The following AIMP1 variants were observed in gnomAD, a reference collection of about 807,000 sequenced individuals.
The protein encoded by AIMP1 is aminoacyl tRNA synthetase complex interacting multifunctional protein 1, also known as aminoacyl tRNA synthase complex-interacting multifunctional protein 1.
A neutral mutation model predicts 33.1 loss-of-function variants in AIMP1; 24 were observed. That is an observed-to-expected ratio of 0.73 (90% CI 0.53 to 1.02). The LOEUF is 1.02. AIMP1 is among the 50% of genes least tolerant of loss of function. The pLI is 0.00. For synonymous variants in AIMP1, 120 were observed against 121.5 expected (o/e 0.99, Z 0.08); for missense variants, 367 against 364.8 (o/e 1.01, Z -0.05).
At chr4:106,339,851 G>A (rs1430708559) in intron 6 of AIMP1, among the ~76,000 whole-genome samples, 1 of 152,046 alleles carries the variant, frequency 6.6e-6, no homozygotes, top group Non-Finnish European at 1.5e-5. Context: ...CTCAAATTCA[G>A]GATATAGAGA....
At chr4:106,336,487 T>A (rs907937491) in intron 5 of AIMP1, among the ~76,000 whole-genome samples, 2 of 152,232 alleles carry the variant, frequency 1.3e-5, no homozygotes, top group Non-Finnish European at 2.9e-5. Flanking sequence ...TATGATTTAA[T>A]CCTTATGACA....
intron 6 of AIMP1, among the ~76,000 whole-genome samples, chr4:106,346,248 C>T (rs1437553213): frequency 6.6e-6 from 1 of 151,984 alleles, no homozygotes; most frequent in African/African-American, 2.4e-5. Context: ...TAAGCCTAGA[C>T]CAGATATACT....
intron 6 of AIMP1, among the ~76,000 whole-genome samples, chr4:106,343,587 T>C (rs1561033287): frequency 2.0e-5 from 3 of 152,156 alleles, no homozygotes; most frequent in Non-Finnish European, 4.4e-5. Flanking sequence ...GAAATCATAG[T>C]GGTCTATGCT....
At chr4:106,335,794 TTATC>T (rs1157142928) in intron 5 of AIMP1, among the ~76,000 whole-genome samples, 1 of 151,856 alleles carries the variant, frequency 6.6e-6, no homozygotes, top group Non-Finnish European at 1.5e-5. Flanking sequence ...AAACCATCTT[TTATC>T]TAGAATGCAT....
rs762887059 is a variant in AIMP1, at chr4:106,347,585, C to T, written c.832C>T (p.Leu278Phe). Residue 278 changes from leucine (L) to phenylalanine (F), a missense_variant, in exon 7 of 7, where the codon CTT (leucine) becomes TTT (phenylalanine). Coordinates refer to ENST00000672341, the MANE Select transcript of AIMP1 (RefSeq NM_001142416.2). ...GATTTGGGAGCAGATCCAGCCTGATCTTCACACTAATGATGAGTGTGTGGC... is the reference window on the plus strand; with the variant it reads ...GATTTGGGAGCAGATCCAGCCTGATTTTCACACTAATGATGAGTGTGTGGC... Reference protein sequence around the residue: ...KKIWEQIQPDLHTNDECVATY... With the variant: ...KKIWEQIQPDFHTNDECVATY... 1.2e-6 allele frequency: 2 copies of T among 1,613,470 alleles called. No homozygotes were observed. Among genetic ancestry groups the T allele is most frequent in the Admixed American group, 3.3e-5 (2 of 59,892 alleles).
chr4:106,329,233 C>T (rs1055089175), intron 4 of AIMP1, among the ~76,000 whole-genome samples: 4 of 152,128 alleles, frequency 2.6e-5, no homozygotes, highest in Non-Finnish European at 5.9e-5. Flanking sequence ...ACAATGAAAG[C>T]AAGTCAGACT....
At chr4:106,332,643 A>G (rs1182193661) in intron 5 of AIMP1, among the ~76,000 whole-genome samples, 1 of 148,158 alleles carries the variant, frequency 6.7e-6, no homozygotes, top group African/African-American at 2.5e-5. Flanking sequence ...ATATATATAT[A>G]AGTTGGTTCA....
intron 6 of AIMP1, among the ~76,000 whole-genome samples, chr4:106,344,855 G>A (rs555494629): frequency 4.6e-5 from 7 of 152,230 alleles, no homozygotes; most frequent in Non-Finnish European, 7.4e-5. Context: ...TCTATAAGAA[G>A]GGGTTTTTAG....
chr4:106,344,800 C>T (rs1392723140), intron 6 of AIMP1, among the ~76,000 whole-genome samples: 1 of 151,016 alleles, frequency 6.6e-6, no homozygotes, highest in Non-Finnish European at 1.5e-5. Flanking sequence ...CTGCATGATT[C>T]GCTTACTCAT....
rs776283445 is a variant in AIMP1 at position 106,347,563 on chromosome 4, T to G, written c.810T>G (p.Ile270Met). Residue 270 changes from isoleucine to methionine, a missense_variant, in exon 7 of 7, where the codon ATT becomes ATG. Physicochemically the swap from Ile to Met is conservative, Grantham distance 10. Transcript: ENST00000672341. The part of the protein sequence containing the change: ...PDKELNPKKK[I>M]WEQIQPDLHT... ...AGGAGCTGAATCCTAAGAAGAAGAT[T>G]TGGGAGCAGATCCAGCCTGATCTTC... 4 of 1,613,188 alleles carry G rather than the reference T, an allele frequency of 2.5e-6. No homozygotes were observed. The highest frequency in any genetic ancestry group is 1.3e-5 in the African/African-American group (1 of 74,938).
chr4:106,336,834 G>A, intron 5 of AIMP1, 35 bp from the exon 6 acceptor site: 1 of 1,595,444 alleles, frequency 6.3e-7, no homozygotes, highest in South Asian at 1.1e-5. Context: ...CTTAATCTGT[G>A]TACATCTTTA....
chr4:106,334,590 C>T (rs1769804285), intron 5 of AIMP1, among the ~76,000 whole-genome samples: 1 of 152,184 alleles, frequency 6.6e-6, no homozygotes, highest in Admixed American at 6.5e-5. Flanking sequence ...AAAAATAGCC[C>T]TGCCTTTATG....
chr4:106,331,264 G>A lies in AIMP1; in HGVS notation c.392-408G>A, dbSNP rs189084574. ...AGAGGAGTCTCTATTATCCTGTTTC[G>A]GGGAAAGGCAAACTTTTTCTGCCTA... On this transcript the variant is annotated intron_variant, in intron 4 of 6. Coordinates refer to ENST00000672341, the MANE Select transcript of AIMP1 (RefSeq NM_001142416.2). Among the ~76,000 whole-genome samples, 89 of 152,168 alleles carry A rather than the reference G, an allele frequency of 5.8e-4. 3 individuals carry two copies. The highest frequency in any genetic ancestry group is 1.7e-3 in the Admixed American group (26 of 15,286).
chr4:106,341,686 C>T (rs1261755865), intron 6 of AIMP1, among the ~76,000 whole-genome samples: 1 of 152,116 alleles, frequency 6.6e-6, no homozygotes, highest in Non-Finnish European at 1.5e-5. Flanking sequence ...GTTTTGGTTA[C>T]TGTAGCCTTG....
rs565929509 is a variant in AIMP1 at position 106,349,445 on chromosome 4, G to T, written c.*1753G>T. On this transcript the variant is annotated 3_prime_UTR_variant, in exon 7 of 7. Transcript: ENST00000672341. ...AGATAATAAAAACTATTGGTCTTTT[G>T]TTAAAAGCCCATAATGTAGCATCAT... Among the ~76,000 whole-genome samples the T allele has an allele frequency of 3.4e-4, 51 of 152,084 alleles. No homozygotes were observed. Among genetic ancestry groups the T allele is most frequent in the African/African-American group, 1.1e-3 (44 of 41,518 alleles).
intron 4 of AIMP1, among the ~76,000 whole-genome samples, chr4:106,331,280 T>C (rs1769664213): frequency 6.6e-6 from 1 of 152,190 alleles, no homozygotes; most frequent in Admixed American, 6.6e-5. Flanking sequence ...AGGCAAACTT[T>C]TTCTGCCTAA....
chr4:106,330,630 T>C (rs899439437), intron 4 of AIMP1, among the ~76,000 whole-genome samples: 1 of 152,228 alleles, frequency 6.6e-6, no homozygotes, highest in Non-Finnish European at 1.5e-5. Flanking sequence ...TTATCACATA[T>C]TCATTATACA....
intron 1 of AIMP1, among the ~76,000 whole-genome samples, chr4:106,323,923 G>C (rs1266800006): frequency 2.0e-5 from 3 of 151,986 alleles, no homozygotes; most frequent in Non-Finnish European, 2.9e-5. Context: ...TAGAAAACTA[G>C]TATCAGCTAA....
At chr4:106,343,615 G>A (rs1770185665) in intron 6 of AIMP1, among the ~76,000 whole-genome samples, 1 of 151,952 alleles carries the variant, frequency 6.6e-6, no homozygotes, top group Admixed American at 6.6e-5. Flanking sequence ...CATTTTTTTG[G>A]AGATTACATT....
Sources: gnomAD v4.1 joint callset for allele counts (sites outside exome capture counted in the v4.1 genomes callset) on GRCh38, gnomAD v4.1.1 for gene constraint, MANE v1.5 for transcripts, NCBI Gene and HGNC (gene_info 2026-07-23, HGNC 2026-07-21) for gene names.